The following ASXL2 variants were observed in gnomAD, a reference collection of about 807,000 sequenced individuals.
ASXL2 encodes putative Polycomb group protein ASXL2.
ASXL2 carries 23 observed loss-of-function variants against 122.0 expected under a neutral mutation model. That is an observed-to-expected ratio of 0.19 (90% confidence interval 0.14 to 0.27). The LOEUF (loss-of-function observed/expected upper bound fraction) is 0.27, where lower values mean the gene tolerates loss of function less well. ASXL2 is among the 10% of genes least tolerant of loss of function. The pLI, the probability that ASXL2 is intolerant of heterozygous loss-of-function variation, is 1.00. For missense variants in ASXL2, 1,518 were observed against 1,713.8 expected (o/e 0.89, Z 2.02); for synonymous variants, 650 against 637.0 (o/e 1.02, Z -0.31).
intron 4 of ASXL2, among the ~76,000 whole-genome samples, chr2:25,803,325 G>A (rs1344997808): frequency 6.6e-6 from 1 of 152,174 alleles, no homozygotes; most frequent in Non-Finnish European, 1.5e-5. Context: ...ATGGGTAAAT[G>A]TAAGTAAAGC....
intron 5 of ASXL2, among the ~76,000 whole-genome samples, chr2:25,795,038 G>C (rs2088892238): frequency 6.6e-6 from 1 of 152,080 alleles, no homozygotes; most frequent in African/African-American, 2.4e-5. Context: ...TTCTATGAGA[G>C]ACTAAATCAT....
At chr2:25,799,683 C>G in intron 4 of ASXL2, 148 bp from the exon 5 acceptor site, 1 of 949,036 alleles carries the variant, frequency 1.1e-6, no homozygotes, top group Non-Finnish European at 1.5e-6. Flanking sequence ...TTTCTGAATT[C>G]CTGTCATCTC....
At chr2:25,753,151 G>C (rs1433862422) in intron 11 of ASXL2, among the ~76,000 whole-genome samples, 1 of 151,058 alleles carries the variant, frequency 6.6e-6, no homozygotes, top group Non-Finnish European at 1.5e-5. Flanking sequence ...ATTTTTTTAA[G>C]TAGAGACGGG....
At chr2:25,822,878 T>C (rs1040865637) in intron 3 of ASXL2, 11 of 550,176 alleles carry the variant, frequency 2.0e-5, no homozygotes, top group East Asian at 9.9e-5. Flanking sequence ...AGGATGCAGA[T>C]TGACCAGAAG....
At chr2:25,811,028 C>T (rs1385370442) in intron 3 of ASXL2, among the ~76,000 whole-genome samples, 2 of 146,378 alleles carry the variant, frequency 1.4e-5, no homozygotes, top group Non-Finnish European at 3.0e-5. Flanking sequence ...GTCTGAGCAA[C>T]CCCTGTCTCT....
chr2:25,745,559 CAAAAAAAA>C (rs34181748), intron 12 of ASXL2, among the ~76,000 whole-genome samples: 1 of 51,416 alleles, frequency 1.9e-5, no homozygotes, highest in Non-Finnish European at 3.9e-5. Flanking sequence ...GCCTCCAGCT[CAAAAAAAA>C]AAAAAAAAAA....
intron 4 of ASXL2, among the ~76,000 whole-genome samples, chr2:25,804,053 C>G (rs1356228930): frequency 6.6e-6 from 1 of 151,974 alleles, no homozygotes; most frequent in Admixed American, 6.6e-5. Context: ...TATGGAAGGT[C>G]TAGAACAGCT....
At chr2:25,760,928 CTT>C (rs1331580021) in intron 8 of ASXL2, among the ~76,000 whole-genome samples, 1 of 152,114 alleles carries the variant, frequency 6.6e-6, no homozygotes, top group Admixed American at 6.5e-5. Context: ...AATTAATAGA[CTT>C]AAGAAAATGG....
chr2:25,758,097 C>G (rs1431051296), intron 9 of ASXL2, among the ~76,000 whole-genome samples: 1 of 152,090 alleles, frequency 6.6e-6, no homozygotes, highest in Non-Finnish European at 1.5e-5. Flanking sequence ...CTTCTTTGTC[C>G]CCACTGCTGT....
At chr2:25,823,384 C>T (rs1411477705) in intron 3 of ASXL2, among the ~76,000 whole-genome samples, 1 of 152,308 alleles carries the variant, frequency 6.6e-6, no homozygotes, top group East Asian at 1.9e-4. Context: ...AATTGGCTGA[C>T]ACCTTACTGG....
chr2:25,835,668 CA>C (rs779388849), intron 2 of ASXL2, 128 bp from the exon 3 acceptor site: 4 of 175,946 alleles, frequency 2.3e-5, no homozygotes, highest in Non-Finnish European at 5.0e-5. Flanking sequence ...CACAATTCCC[CA>C]AATTAGTAAC....
rs759313896 is a variant in ASXL2 at position 25,744,744 on chromosome 2, C to A, written c.1861-268G>T. Reference sequence around the variant, plus strand: ...CCACACCTCTTTTCCTATCTCAACTCCCTCCTAATGCCACTATTACAAGTG... The same window carrying A: ...CCACACCTCTTTTCCTATCTCAACTACCTCCTAATGCCACTATTACAAGTG... On this transcript the variant is annotated intron_variant, in intron 12 of 12. Transcript: ENST00000435504. The surrounding 1 kb of genome is among the most constrained non-coding windows in gnomAD (Gnocchi z 4.7). Among the ~76,000 whole-genome samples the A allele has an allele frequency of 6.6e-6, 1 of 152,182 alleles. No individual in the cohort carries two copies. The highest frequency in any genetic ancestry group is 1.5e-5 in the Non-Finnish European group (1 of 68,034).
At chr2:25,787,360 A>C (rs1404427020) in intron 5 of ASXL2, among the ~76,000 whole-genome samples, 6 of 152,228 alleles carry the variant, frequency 3.9e-5, no homozygotes, top group Non-Finnish European at 2.9e-5. Context: ...CTGCAGGAAT[A>C]GGATACACCT....
intron 5 of ASXL2, among the ~76,000 whole-genome samples, chr2:25,773,430 C>T (rs1405085429): frequency 6.6e-6 from 1 of 151,942 alleles, no homozygotes; most frequent in Admixed American, 6.6e-5. Context: ...CTTTGGGAGG[C>T]CAAGGCGGGC....
At position 25,854,387 on chromosome 2, in the gene ASXL2, A is replaced by AT. The variant is rs1485573492; in HGVS notation, c.58-8825dup. On this transcript the variant is annotated intron_variant, in intron 1 of 12. Transcript: ENST00000435504. ...CCTATGAGGTAGATACTATCAGCCC[A>AT]TTTTTTTTCAGATGTGAAAACTGAA... Among the ~76,000 whole-genome samples the AT allele has an allele frequency of 2.6e-5, 4 of 152,066 alleles. No individual in the cohort carries two copies. The East Asian group carries it at 5.8e-4, about 22-fold the overall frequency.
chr2:25,743,621 C>T lies in ASXL2; in HGVS notation c.2716G>A (p.Ala906Thr), dbSNP rs1293531738. The T allele has an allele frequency of 1.9e-6, 3 of 1,613,988 alleles. No homozygotes were observed. The highest frequency in any genetic ancestry group is 1.1e-5 in the South Asian group (1 of 91,086). ...GCTGATCCAGCAGGTGCTGTAGTTG[C>T]ACTGACCTGGGGTACAGGAAGCTTT... ...LEKLPVPQVS[A>T]TTAPAGSAPP... is the part of the protein sequence containing the mutation. The change falls in exon 13 of 13, where the codon GCA becomes ACA. Residue 906 changes from alanine (A) to threonine (T), a missense_variant. Ala to Thr is a moderately conservative substitution (Grantham distance 58). This residue lies in a region of ASXL2 where 831 missense variants were observed against 833.1 expected (regional missense o/e 1.00). Transcript: ENST00000435504.
chr2:25,854,842 C>T (rs976983639), intron 1 of ASXL2, among the ~76,000 whole-genome samples: 7 of 152,118 alleles, frequency 4.6e-5, no homozygotes, highest in African/African-American at 1.7e-4. Flanking sequence ...GAGACTATGA[C>T]CTATTCCACT....
chr2:25,840,541 C>T (rs1416587170), intron 2 of ASXL2, among the ~76,000 whole-genome samples: 1 of 152,212 alleles, frequency 6.6e-6, no homozygotes, highest in East Asian at 1.9e-4. Context: ...CCCACTACTC[C>T]AGTCTGTGGT....
intron 3 of ASXL2, among the ~76,000 whole-genome samples, chr2:25,834,733 C>G (rs980271978): frequency 6.6e-6 from 1 of 152,128 alleles, no homozygotes; most frequent in Non-Finnish European, 1.5e-5. Flanking sequence ...AAAGGCCATG[C>G]CCACACACAA....
Sources: allele counts gnomAD v4.1 joint callset (sites outside exome capture counted in the v4.1 genomes callset), GRCh38; gene constraint gnomAD v4.1.1; regional missense constraint gnomAD v4.1.1; non-coding constraint Gnocchi (gnomAD v3.1); transcripts MANE v1.5; gene names NCBI Gene and HGNC (gene_info 2026-07-23, HGNC 2026-07-21).